Variants in RAP1A observed in about 807,000 individuals in gnomAD.
RAP1A encodes RAP1A, member of RAS oncogene family, also known as ras-related protein Rap-1A.
RAP1A carries 6 observed loss-of-function variants against 26.4 expected under a neutral mutation model. That is an observed-to-expected ratio of 0.23 (90% CI 0.12 to 0.45). The LOEUF is 0.45. Ranked by LOEUF, RAP1A falls within the 20% of genes least tolerant of loss-of-function variation. The pLI is 0.99. For missense variants in RAP1A, 121 were observed against 217.2 expected (o/e 0.56, Z 2.78); for synonymous variants, 73 against 79.4 (o/e 0.92, Z 0.43).
At chr1:111,576,589 T>G (rs1452697036) in intron 1 of RAP1A, among the ~76,000 whole-genome samples, 3 of 152,232 alleles carry the variant, frequency 2.0e-5, no homozygotes, top group African/African-American at 7.2e-5. Context: ...AGTTCCTTAC[T>G]TCCCTACCTT....
At chr1:111,559,818 A>T (rs1321314341) in intron 1 of RAP1A, among the ~76,000 whole-genome samples, 1 of 152,218 alleles carries the variant, frequency 6.6e-6, no homozygotes, top group Non-Finnish European at 1.5e-5. Flanking sequence ...TCAAATCTTA[A>T]TGCTGGGAGA....
intron 1 of RAP1A, among the ~76,000 whole-genome samples, chr1:111,628,568 C>T (rs758071765): frequency 5.9e-5 from 9 of 151,986 alleles, no homozygotes; most frequent in Non-Finnish European, 8.8e-5. Context: ...AAGCATTCAT[C>T]GAAAAGCAGA....
chr1:111,589,936 T>C (rs1658438598), intron 1 of RAP1A, among the ~76,000 whole-genome samples: 1 of 152,014 alleles, frequency 6.6e-6, no homozygotes, highest in Non-Finnish European at 1.5e-5. Flanking sequence ...ATTTTTGCTT[T>C]TGTTTTTGTT....
intron 1 of RAP1A, among the ~76,000 whole-genome samples, chr1:111,652,606 A>G (rs1168639993): frequency 6.6e-6 from 1 of 152,166 alleles, no homozygotes; most frequent in Non-Finnish European, 1.5e-5. Flanking sequence ...AGAAGAATAT[A>G]TATCATATAA....
At chr1:111,674,212 A>G (rs1050482142) in intron 1 of RAP1A, among the ~76,000 whole-genome samples, 5 of 152,162 alleles carry the variant, frequency 3.3e-5, no homozygotes, top group Admixed American at 2.6e-4. Flanking sequence ...GAAAGGGGGT[A>G]GGGATGTAGG....
intron 1 of RAP1A, among the ~76,000 whole-genome samples, chr1:111,549,773 C>A (rs1249122411): frequency 6.6e-6 from 1 of 152,154 alleles, no homozygotes; most frequent in Non-Finnish European, 1.5e-5. Flanking sequence ...TGCAGCCCCC[C>A]ATGTATCTAG....
chr1:111,551,262 C>T (rs891522517), intron 1 of RAP1A, among the ~76,000 whole-genome samples: 1 of 152,094 alleles, frequency 6.6e-6, no homozygotes, highest in South Asian at 2.1e-4. Context: ...AAAGGGCTTA[C>T]GTGTGCCATT....
chr1:111,623,321 T>G lies in RAP1A; in HGVS notation c.-28+3387T>G, dbSNP rs569293205. Among the ~76,000 whole-genome samples the G allele has an allele frequency of 4.5e-4, 68 of 152,238 alleles. No individual in the cohort carries two copies. The South Asian group carries it at 0.014, about 31-fold the overall frequency. The stretch of plus-strand genomic sequence containing the variant: ...GATTACAGGTGTGAGCTACTGTGGC[T>G]GGCAACAAAGGAATTTTTAATGGTA... On this transcript the variant is annotated intron_variant, in intron 1 of 7. Coordinates refer to ENST00000369709, the MANE Select transcript of RAP1A (RefSeq NM_002884.4).
intron 1 of RAP1A, among the ~76,000 whole-genome samples, chr1:111,664,800 C>G (rs1236157960): frequency 1.3e-5 from 2 of 152,176 alleles, no homozygotes; most frequent in Non-Finnish European, 2.9e-5. Context: ...AGATATGTGA[C>G]TTTGGGGATA....
chr1:111,710,518 C>T (rs1195243320), intron 7 of RAP1A, among the ~76,000 whole-genome samples: 3 of 152,152 alleles, frequency 2.0e-5, no homozygotes, highest in Non-Finnish European at 4.4e-5. Context: ...TATTACTAAA[C>T]TTGGTCTCCA....
At chr1:111,607,638 G>C (rs1224236183) in intron 1 of RAP1A, among the ~76,000 whole-genome samples, 8 of 147,122 alleles carry the variant, frequency 5.4e-5, no homozygotes, top group East Asian at 4.1e-4. Context: ...GGCCGGGCGG[G>C]GGGCTGACCC....
chr1:111,594,084 A>G (rs957556194), intron 1 of RAP1A, among the ~76,000 whole-genome samples: 3 of 152,172 alleles, frequency 2.0e-5, no homozygotes, highest in African/African-American at 7.2e-5. Context: ...TTGACCCTGC[A>G]GTGGGGGCTG....
At chr1:111,566,127 T>G (rs1657913218) in intron 1 of RAP1A, among the ~76,000 whole-genome samples, 1 of 151,992 alleles carries the variant, frequency 6.6e-6, no homozygotes, top group African/African-American at 2.4e-5. Context: ...AACTTCATTG[T>G]GAGTATAACA....
At chr1:111,668,674 T>G (rs1660873609) in intron 1 of RAP1A, among the ~76,000 whole-genome samples, 1 of 152,132 alleles carries the variant, frequency 6.6e-6, no homozygotes, top group Non-Finnish European at 1.5e-5. Flanking sequence ...ATAAGAAAGA[T>G]AGCGAGGTTA....
At chr1:111,652,318 A>G (rs975155862) in intron 1 of RAP1A, among the ~76,000 whole-genome samples, 2 of 152,172 alleles carry the variant, frequency 1.3e-5, no homozygotes, top group African/African-American at 4.8e-5. Context: ...GCAAATCTCT[A>G]TGTGGAAATA....
chr1:111,570,453 A>G (rs1433528392), intron 1 of RAP1A, among the ~76,000 whole-genome samples: 1 of 152,058 alleles, frequency 6.6e-6, no homozygotes, highest in Non-Finnish European at 1.5e-5. Flanking sequence ...GGTACTTAGT[A>G]TGTTCATTGT....
At chr1:111,593,840 A>T (rs1429816047) in intron 1 of RAP1A, among the ~76,000 whole-genome samples, 1 of 151,968 alleles carries the variant, frequency 6.6e-6, no homozygotes, top group Non-Finnish European at 1.5e-5. Flanking sequence ...AAGGCCTAAG[A>T]TTCATTCAGG....
chr1:111,650,093 C>CTTTTTTTTTTTTTTTTTT (rs57681662), intron 1 of RAP1A, among the ~76,000 whole-genome samples: 1 of 75,848 alleles, frequency 1.3e-5, no homozygotes, highest in Admixed American at 1.6e-4. Context: ...TGGTAGAGTG[C>CTTTTTTTTTTTTTTTTTT]TTTTTTTTTT....
intron 1 of RAP1A, among the ~76,000 whole-genome samples, chr1:111,607,046 T>G (rs900232851): frequency 2.0e-5 from 3 of 151,374 alleles, no homozygotes; most frequent in African/African-American, 7.3e-5. Flanking sequence ...TTTTTATTGA[T>G]TATTCTTGGG....
Sources: gnomAD v4.1 joint callset for allele counts (sites outside exome capture counted in the v4.1 genomes callset) on GRCh38, gnomAD v4.1.1 for gene constraint, MANE v1.5 for transcripts, NCBI Gene and HGNC (gene_info 2026-07-23, HGNC 2026-07-21) for gene names.